The following FHL3 variants were observed in gnomAD, a reference collection of about 807,000 sequenced individuals.
FHL3 encodes four and a half LIM domains protein 3.
A neutral mutation model predicts 34.3 loss-of-function variants in FHL3; 21 were observed. The observed-to-expected ratio is 0.61, with a 90% CI of 0.43 to 0.88. The LOEUF (loss-of-function observed/expected upper bound fraction) is 0.88. FHL3 is among the 40% of genes least tolerant of loss of function. The pLI, the probability that FHL3 is intolerant of heterozygous loss-of-function variation, is 0.00. For missense variants in FHL3, 333 were observed against 373.7 expected (o/e 0.89, Z 0.90); for synonymous variants, 137 against 144.6 (o/e 0.95, Z 0.38).
intron 1 of FHL3, among the ~76,000 whole-genome samples, chr1:38,002,833 G>A (rs548769994): frequency 8.6e-5 from 13 of 151,336 alleles, no homozygotes; most frequent in African/African-American, 3.2e-4. Context: ...CTGGAGTGCA[G>A]TGGCACGATC....
rs1019890870 is a variant in FHL3 at position 37,997,864 on chromosome 1, T to C, written c.508A>G (p.Thr170Ala). The change falls in exon 5 of 6, where the codon ACA becomes GCA. Residue 170 changes from threonine to alanine, a missense_variant. Transcript: ENST00000373016. The surrounding 1 kb of genome is among the most constrained non-coding windows in gnomAD (Gnocchi z 4.3). ...TCACGGTATGTCACTCCACCCTGTG[T>C]CAGCGTCTGTGGGGGCAGCATCCAT... ...PRCARCSKTL[T>A]QGGVTYRDQP... The C allele has an allele frequency of 6.2e-7, 1 of 1,613,722 alleles. No homozygotes were observed. Among genetic ancestry groups the C allele is most frequent in the Non-Finnish European group, 8.5e-7 (1 of 1,179,694 alleles).
In FHL3 at chr1:37,998,970, A is replaced by G. The variant is rs767981686; in HGVS notation, c.331+4T>C. 20 of 1,613,158 alleles carry G rather than the reference A, an allele frequency of 1.2e-5. No individual in the cohort carries two copies. The highest frequency in any genetic ancestry group is 1.7e-5 in the Non-Finnish European group (20 of 1,179,252). ...TCACACAAGATGAGCCCCTGAACACATACCAGGCATGACAGTCTCCCCACA... is the reference window on the plus strand; with the variant it reads ...TCACACAAGATGAGCCCCTGAACACGTACCAGGCATGACAGTCTCCCCACA... On this transcript the variant is annotated splice_donor_region_variant and intron_variant, in intron 3 of 5. Coordinates refer to ENST00000373016, the MANE Select transcript of FHL3 (RefSeq NM_004468.5).
chr1:37,999,000 G>C lies in FHL3; in HGVS notation c.305C>G (p.Ser102Cys). The change falls in exon 3 of 6, where the codon TCC becomes TGC. Residue 102 changes from serine (S) to cysteine (C), a missense_variant. Transcript: ENST00000373016. ...CYCSAFSSQC[S>C]ACGETVMPGS... ...AGGCATGACAGTCTCCCCACAAGCG[G>C]AGCACTGCGAGGAAAACGCACTGCA... 1 of 1,614,216 alleles carries C rather than the reference G, an allele frequency of 6.2e-7. No individual in the cohort carries two copies. Among genetic ancestry groups the C allele is most frequent in the East Asian group, 2.2e-5 (1 of 44,890 alleles).
At chr1:38,003,168 C>G (rs566337869) in intron 1 of FHL3, among the ~76,000 whole-genome samples, 3 of 149,420 alleles carry the variant, frequency 2.0e-5, no homozygotes, top group Non-Finnish European at 4.4e-5. Flanking sequence ...CAAAACAAAA[C>G]AAAACAACAA....
intron 1 of FHL3, among the ~76,000 whole-genome samples, chr1:38,000,367 T>C (rs1443697878): frequency 6.6e-6 from 1 of 152,108 alleles, no homozygotes; most frequent in Non-Finnish European, 1.5e-5. Context: ...CCCAGGATCT[T>C]TCCATCCCCT....
chr1:37,998,145 G>A lies in FHL3; in HGVS notation c.332-13C>T, dbSNP rs766974446. The A allele has an allele frequency of 1.2e-6, 2 of 1,612,988 alleles. No homozygotes were observed. The highest frequency in any genetic ancestry group is 1.7e-6 in the Non-Finnish European group (2 of 1,179,356). Reference sequence around the variant, plus strand: ...AGCTTCCGGGACCCTGTGGGGAACAGGGGTCCCATTTAGAGGTTGTGTCCC... The same window carrying A: ...AGCTTCCGGGACCCTGTGGGGAACAAGGGTCCCATTTAGAGGTTGTGTCCC... On this transcript the variant is annotated splice_polypyrimidine_tract_variant and intron_variant, in intron 3 of 5. Coordinates refer to ENST00000373016, the MANE Select transcript of FHL3 (RefSeq NM_004468.5).
At chr1:38,003,108 A>G (rs1469488280) in intron 1 of FHL3, among the ~76,000 whole-genome samples, 5 of 152,046 alleles carry the variant, frequency 3.3e-5, no homozygotes, top group African/African-American at 1.2e-4. Flanking sequence ...CAGTGAGCCA[A>G]GATCATGTCA....
Position 37,997,318 on chromosome 1 carries a change from G to T in FHL3, c.*87C>A. On this transcript the variant is annotated 3_prime_UTR_variant, in exon 6 of 6. Coordinates refer to ENST00000373016, the MANE Select transcript of FHL3 (RefSeq NM_004468.5). The surrounding 1 kb of genome is among the most constrained non-coding windows in gnomAD (Gnocchi z 4.3). ...GAAGGAGACCCATTTTTTTTGGCGG[G>T]GGGAGCTGAGTCCCAGAGGTGGTTT... is the stretch of plus-strand genomic sequence containing the variant. 7.0e-7 allele frequency: 1 copy of T among 1,429,960 alleles called. No homozygotes were observed. The allele number at this position is 1,429,960 out of a possible 1,614,324, so 88.6% of individuals were successfully genotyped here.
chr1:38,004,315 T>C (rs935389794), intron 1 of FHL3, among the ~76,000 whole-genome samples: 4 of 152,070 alleles, frequency 2.6e-5, no homozygotes, highest in Non-Finnish European at 5.9e-5. Flanking sequence ...TGTGTGTGCG[T>C]GGGGCTCTTC....
chr1:38,001,635 G>A (rs185004289), intron 1 of FHL3, among the ~76,000 whole-genome samples: 1 of 152,322 alleles, frequency 6.6e-6, no homozygotes, highest in East Asian at 1.9e-4. Context: ...GGGACTGCGG[G>A]GACTGAAGGG....
Position 38,003,967 on chromosome 1 carries a change from T to C in FHL3, c.-21+1390A>G, listed in dbSNP as rs528720687. ...AATCCTTCTGCCCCCACCCCCAACA[T>C]GCCCACTGTCCAGGAGGACCCTGGC... On this transcript the variant is annotated intron_variant, in intron 1 of 5. Transcript: ENST00000373016. 5.9e-5 allele frequency among the ~76,000 whole-genome samples: 9 copies of C among 151,370 alleles called. No homozygotes were observed. In the South Asian group the frequency reaches 1.9e-3, roughly 32 times the overall value.
rs58752380 is a variant in FHL3 at position 38,002,224 on chromosome 1, G to C, written c.-20-2792C>G. ...AGTGATTCTCCTCCCTCAGCCTCCC[G>C]AGTAGCTGGGACTACAGGCACCTGC... On this transcript the variant is annotated intron_variant, in intron 1 of 5. Coordinates refer to ENST00000373016, the MANE Select transcript of FHL3 (RefSeq NM_004468.5). Among the ~76,000 whole-genome samples, 434 of 149,712 alleles carry C rather than the reference G, an allele frequency of 2.9e-3. 1 individual carries two copies. The highest frequency in any genetic ancestry group is 0.01 in the African/African-American group (418 of 40,636).
chr1:38,000,178 G>T (rs1646580032), intron 1 of FHL3, among the ~76,000 whole-genome samples: 2 of 152,328 alleles, frequency 1.3e-5, no homozygotes. Flanking sequence ...CACCAGCTTG[G>T]ACAGCCTTGG....
intron 1 of FHL3, among the ~76,000 whole-genome samples, chr1:38,002,713 G>T (rs572943767): frequency 1.3e-5 from 2 of 150,962 alleles, no homozygotes; most frequent in East Asian, 3.9e-4. Context: ...GCTAATTTTT[G>T]TATTTTTAGT....
At chr1:38,001,336 G>A (rs895927638) in intron 1 of FHL3, among the ~76,000 whole-genome samples, 1 of 152,242 alleles carries the variant, frequency 6.6e-6, no homozygotes, top group Non-Finnish European at 1.5e-5. Flanking sequence ...GGTGGAATGC[G>A]TCCACAGGGG....
intron 2 of FHL3, 41 bp from the exon 3 acceptor site, chr1:37,999,189 T>C: frequency 6.2e-7 from 1 of 1,613,912 alleles, no homozygotes; most frequent in Non-Finnish European, 8.5e-7. Context: ...CCAGGCCTCA[T>C]GGACCCATCC....
intron 1 of FHL3, among the ~76,000 whole-genome samples, chr1:38,004,581 T>A (rs1442559938): frequency 1.3e-5 from 2 of 152,170 alleles, no homozygotes; most frequent in Admixed American, 6.5e-5. Context: ...CGGCTCTGTA[T>A]CTTGACTGGC....
chr1:37,998,958 G>C lies in FHL3; in HGVS notation c.331+16C>G. 1 of 1,610,418 alleles carries C rather than the reference G, an allele frequency of 6.2e-7. No homozygotes were observed. The highest frequency in any genetic ancestry group is 1.3e-5 in the African/African-American group (1 of 74,966). The stretch of plus-strand genomic sequence containing the variant: ...AGATGCCAGTTCTCACACAAGATGA[G>C]CCCCTGAACACATACCAGGCATGAC... On this transcript the variant is annotated intron_variant, in intron 3 of 5. Transcript: ENST00000373016.
intron 3 of FHL3, chr1:37,998,688 C>G (rs1191287243): frequency 2.3e-6 from 1 of 439,724 alleles, no homozygotes; most frequent in African/African-American, 2.0e-5. Context: ...AGACCCAATG[C>G]AACAAGCATG....
Sources: gnomAD v4.1 joint callset for allele counts (sites outside exome capture counted in the v4.1 genomes callset) on GRCh38, gnomAD v4.1.1 for gene constraint, Gnocchi (gnomAD v3.1) non-coding constraint, MANE v1.5 for transcripts, NCBI Gene and HGNC (gene_info 2026-07-23, HGNC 2026-07-21) for gene names.